The following COL14A1 variants were observed in gnomAD, a reference collection of about 807,000 sequenced individuals.
COL14A1 encodes the protein collagen type XIV alpha 1 chain, also known as collagen alpha-1(XIV) chain.
Under a neutral mutation model 230.3 loss-of-function variants are expected in COL14A1, and 136 were observed. That is an observed-to-expected ratio of 0.59 (90% CI 0.51 to 0.68). COL14A1 has a LOEUF of 0.68. COL14A1 is among the 30% of genes least tolerant of loss of function. The probability of loss-of-function intolerance (pLI) is 0.00; values close to 1 mark genes in which losing one functional copy is unlikely to be tolerated. For synonymous variants in COL14A1, 792 were observed against 784.1 expected, an observed-to-expected ratio of 1.01 and a Z score of -0.17; for missense variants, 1,976 against 2,215.8, an observed-to-expected ratio of 0.89 and a Z score of 2.17.
chr8:120,339,614 G>T (rs1305114211), intron 42 of COL14A1, among the ~76,000 whole-genome samples: 1 of 152,078 alleles, frequency 6.6e-6, no homozygotes, highest in Non-Finnish European at 1.5e-5. Flanking sequence ...CAGCTTGCAG[G>T]TCCAATGTCC....
At chr8:120,268,694 C>T (rs530463911) in intron 25 of COL14A1, among the ~76,000 whole-genome samples, 33 of 151,560 alleles carry the variant, frequency 2.2e-4, no homozygotes, top group Non-Finnish European at 3.0e-4. Flanking sequence ...AACATTAAAA[C>T]GTAGAAAAAA....
chr8:120,367,159 T>C lies in COL14A1; in HGVS notation c.5078-12T>C, dbSNP rs755807131. On this transcript the variant is annotated splice_polypyrimidine_tract_variant and intron_variant, in intron 45 of 47. Transcript: ENST00000297848. ...AAGAACTTTAAACATTTTTAAAAATTATTTTAAACAGGTCTAACTGGTATC... is the reference window on the plus strand; with the variant it reads ...AAGAACTTTAAACATTTTTAAAAATCATTTTAAACAGGTCTAACTGGTATC... 8.3e-6 allele frequency: 13 copies of C among 1,568,788 alleles called. No individual in the cohort carries two copies. The South Asian group carries it at 1.4e-4, about 16-fold the overall frequency.
chr8:120,183,108 G>A (rs755401692), intron 5 of COL14A1, among the ~76,000 whole-genome samples: 3 of 152,136 alleles, frequency 2.0e-5, no homozygotes, highest in Non-Finnish European at 4.4e-5. Flanking sequence ...ATCTTGTATT[G>A]TGGTAGAGTA....
intron 19 of COL14A1, among the ~76,000 whole-genome samples, chr8:120,239,494 A>C (rs577909935): frequency 6.6e-6 from 1 of 152,322 alleles, no homozygotes; most frequent in African/African-American, 2.4e-5. Context: ...GATGGAGGAA[A>C]TATTACAGGA....
chr8:120,158,472 A>G (rs113084993), intron 3 of COL14A1, among the ~76,000 whole-genome samples: 3,171 of 152,316 alleles, frequency 0.021, 36 homozygotes, highest in African/African-American at 0.025. Flanking sequence ...CAGACAATCA[A>G]CAAGTTTTAT....
intron 44 of COL14A1, among the ~76,000 whole-genome samples, chr8:120,344,358 T>A (rs532305533): frequency 1.3e-5 from 2 of 152,370 alleles, no homozygotes; most frequent in South Asian, 4.1e-4. Context: ...TCTCTGGTTT[T>A]TAGTTCACAG....
chr8:120,300,097 C>T (rs1531131), intron 35 of COL14A1, among the ~76,000 whole-genome samples: 73,381 of 151,708 alleles, frequency 0.48, 18,112 homozygotes, highest in African/African-American at 0.59. Flanking sequence ...TTCAGCCTTC[C>T]ATTAATAATC....
intron 3 of COL14A1, among the ~76,000 whole-genome samples, 190 bp from the exon 4 acceptor site, chr8:120,162,236 C>T (rs747024956): frequency 1.3e-5 from 2 of 152,278 alleles, no homozygotes; most frequent in Non-Finnish European, 2.9e-5. Flanking sequence ...TAAATGTCTT[C>T]ACCTCTTGAT....
intron 9 of COL14A1, among the ~76,000 whole-genome samples, chr8:120,206,272 G>A (rs1817427492): frequency 6.6e-6 from 1 of 152,162 alleles, no homozygotes; most frequent in Non-Finnish European, 1.5e-5. Context: ...CTAGGGAGAA[G>A]TAGATGAGAT....
intron 26 of COL14A1, among the ~76,000 whole-genome samples, chr8:120,270,430 T>C (rs1007513991): frequency 6.6e-6 from 1 of 151,748 alleles, no homozygotes; most frequent in Non-Finnish European, 1.5e-5. Flanking sequence ...GTGTTATTTT[T>C]ACATACTAGG....
intron 14 of COL14A1, among the ~76,000 whole-genome samples, chr8:120,224,199 G>T (rs965641694): frequency 6.6e-6 from 1 of 151,664 alleles, no homozygotes; most frequent in Non-Finnish European, 1.5e-5. Context: ...GCTAATTTTT[G>T]TATTTTTAGT....
chr8:120,278,583 G>A lies in COL14A1; in HGVS notation c.3481+5G>A. 1 of 1,611,342 alleles carries A rather than the reference G, an allele frequency of 6.2e-7. No homozygotes were observed. Among genetic ancestry groups the A allele is most frequent in the Non-Finnish European group, 8.5e-7 (1 of 1,178,714 alleles). On this transcript the variant is annotated splice_donor_5th_base_variant and intron_variant, in intron 28 of 47. Transcript: ENST00000297848. Reference sequence around the variant, plus strand: ...CCAGGGAGATGCAATTAGATGGTAAGATATATAAACAATAGTGGCTACCAA... The same window carrying A: ...CCAGGGAGATGCAATTAGATGGTAAAATATATAAACAATAGTGGCTACCAA...
chr8:120,312,578 A>T (rs1453304423), intron 37 of COL14A1, among the ~76,000 whole-genome samples: 1 of 151,978 alleles, frequency 6.6e-6, no homozygotes, highest in East Asian at 1.9e-4. Flanking sequence ...CTACCTGATT[A>T]TCATCTCATT....
chr8:120,369,280 A>T (rs770237977), intron 46 of COL14A1, 50 bp from the exon 47 acceptor site: 4 of 1,456,348 alleles, frequency 2.7e-6, no homozygotes, highest in Non-Finnish European at 3.6e-6. Context: ...CTCAAAACTC[A>T]CCCTGTTGTG....
intron 42 of COL14A1, among the ~76,000 whole-genome samples, chr8:120,340,399 C>A (rs1404761886): frequency 6.6e-6 from 1 of 152,170 alleles, no homozygotes; most frequent in South Asian, 2.1e-4. Context: ...AAGTTTGAAT[C>A]TGGGCAACTG....
At chr8:120,148,139 T>C (rs982155710) in intron 2 of COL14A1, among the ~76,000 whole-genome samples, 19 of 150,966 alleles carry the variant, frequency 1.3e-4, no homozygotes, top group Admixed American at 7.3e-4. Context: ...GTTAAATAGG[T>C]CATTCTTTTT....
chr8:120,247,876 A>G, intron 21 of COL14A1, 141 bp downstream of exon 21: 1 of 1,030,756 alleles, frequency 9.7e-7, no homozygotes, highest in East Asian at 2.5e-5. Flanking sequence ...TTGTTTTGGA[A>G]AAATAAAGTG....
chr8:120,333,175 C>A (rs1281043379), intron 42 of COL14A1, among the ~76,000 whole-genome samples: 1 of 152,254 alleles, frequency 6.6e-6, no homozygotes, highest in Non-Finnish European at 1.5e-5. Flanking sequence ...GTAAAACACA[C>A]ACTCACACAT....
At chr8:120,297,643 G>T (rs1266210306) in intron 35 of COL14A1, 55 bp downstream of exon 35, 60 of 1,043,074 alleles carry the variant, frequency 5.8e-5, no homozygotes, top group Non-Finnish European at 7.4e-5. Flanking sequence ...TAATTTTCTG[G>T]AAATGAGAAG....
Sources: gnomAD v4.1 joint callset for allele counts (sites outside exome capture counted in the v4.1 genomes callset) on GRCh38, gnomAD v4.1.1 for gene constraint, MANE v1.5 for transcripts, NCBI Gene and HGNC (gene_info 2026-07-23, HGNC 2026-07-21) for gene names.